Variants in CNTLN observed in about 807,000 individuals in gnomAD.
CNTLN encodes the protein centlein.
CNTLN carries 212 observed loss-of-function variants against 180.0 expected under a neutral mutation model. The observed-to-expected ratio is 1.18, with a 90% CI of 1.05 to 1.32. The LOEUF (loss-of-function observed/expected upper bound fraction) is 1.32. CNTLN is among the 40% of genes most tolerant of loss of function. The probability of loss-of-function intolerance (pLI) is 0.00; values close to 1 mark genes in which losing one functional copy is unlikely to be tolerated. For missense variants in CNTLN, 2,095 were observed against 1,610.9 expected, an observed-to-expected ratio of 1.30 and a Z score of -5.14; for synonymous variants, 722 against 563.1, an observed-to-expected ratio of 1.28 and a Z score of -3.99.
intron 2 of CNTLN, among the ~76,000 whole-genome samples, chr9:17,222,951 T>C (rs1290134494): frequency 6.6e-6 from 1 of 152,064 alleles, no homozygotes; most frequent in Non-Finnish European, 1.5e-5. Context: ...GGTGAACTTA[T>C]CTACCCTTAT....
At chr9:17,136,620 C>T (rs1817736957) in intron 1 of CNTLN, among the ~76,000 whole-genome samples, 2 of 152,194 alleles carry the variant, frequency 1.3e-5, no homozygotes, top group Admixed American at 1.3e-4. Context: ...TTCATTCTCT[C>T]ATAGTTTGTT....
chr9:17,427,371 G>A (rs538856435), intron 18 of CNTLN, among the ~76,000 whole-genome samples: 4 of 151,122 alleles, frequency 2.6e-5, no homozygotes, highest in African/African-American at 7.3e-5. Context: ...AGGGTTTTCA[G>A]GTTATATTGT....
intron 5 of CNTLN, among the ~76,000 whole-genome samples, chr9:17,265,820 T>G (rs2132425753): frequency 6.6e-6 from 1 of 152,332 alleles, no homozygotes; most frequent in South Asian, 2.1e-4. Context: ...TCTGGTTTAT[T>G]TGCTTAGAGG....
chr9:17,163,495 T>C (rs1206059449), intron 2 of CNTLN, among the ~76,000 whole-genome samples: 1 of 152,236 alleles, frequency 6.6e-6, no homozygotes, highest in Non-Finnish European at 1.5e-5. Flanking sequence ...TGAATATTGA[T>C]TTAACAGCAT....
At chr9:17,419,176 T>C (rs1828503596) in intron 18 of CNTLN, among the ~76,000 whole-genome samples, 1 of 152,158 alleles carries the variant, frequency 6.6e-6, no homozygotes, top group Non-Finnish European at 1.5e-5. Flanking sequence ...TACATATAGA[T>C]AGTATTTTAC....
chr9:17,345,862 A>G (rs979350739), intron 12 of CNTLN, among the ~76,000 whole-genome samples: 5 of 152,022 alleles, frequency 3.3e-5, no homozygotes, highest in Non-Finnish European at 5.9e-5. Flanking sequence ...TATCCTTTCT[A>G]CTGTCCTCAT....
In CNTLN at chr9:17,463,784, C is replaced by T. The variant is rs139690333; in HGVS notation, c.3405-713C>T. Among the ~76,000 whole-genome samples the T allele has an allele frequency of 2.0e-3, 310 of 151,662 alleles. 3 individuals are homozygous for T. Among genetic ancestry groups the T allele is most frequent in the African/African-American group, 7.2e-3 (300 of 41,468 alleles). Reference sequence around the variant, plus strand: ...ATTAACACTCTTTGAATCCTGGCTTCCCTACCTACTAGGCCTATGCCTAAA... The same window carrying T: ...ATTAACACTCTTTGAATCCTGGCTTTCCTACCTACTAGGCCTATGCCTAAA... On this transcript the variant is annotated intron_variant, in intron 20 of 25. Transcript: ENST00000380647.
chr9:17,312,018 T>G (rs1587617774), intron 8 of CNTLN, among the ~76,000 whole-genome samples: 1 of 7,420 alleles, frequency 1.3e-4, no homozygotes, highest in African/African-American at 2.1e-4. Flanking sequence ...AAAGTCCAGA[T>G]TATATGCCTG....
In CNTLN at chr9:17,265,794, C is replaced by G. The variant is rs1407339911; in HGVS notation, c.850-7939C>G. Among the ~76,000 whole-genome samples the G allele has an allele frequency of 2.0e-5, 3 of 152,246 alleles. No homozygotes were observed. In the South Asian group the frequency reaches 6.2e-4, roughly 32 times the overall value. ...GAGTGTATGTGTCGAGGAATTTATCCATTTCTTCTACATTTTCTGGTTTAT... is the reference window on the plus strand; with the variant it reads ...GAGTGTATGTGTCGAGGAATTTATCGATTTCTTCTACATTTTCTGGTTTAT... On this transcript the variant is annotated intron_variant, in intron 5 of 25. Transcript: ENST00000380647.
chr9:17,154,200 G>T (rs1167389454), intron 2 of CNTLN, among the ~76,000 whole-genome samples: 1 of 152,180 alleles, frequency 6.6e-6, no homozygotes, highest in East Asian at 1.9e-4. Flanking sequence ...TTCCCTTGCT[G>T]GCGAGGAGTT....
At chr9:17,243,042 T>G (rs192260455) in intron 5 of CNTLN, among the ~76,000 whole-genome samples, 3 of 151,884 alleles carry the variant, frequency 2.0e-5, no homozygotes, top group Admixed American at 6.5e-5. Context: ...GTTTTGGATT[T>G]ATTCGTGGTT....
intron 6 of CNTLN, among the ~76,000 whole-genome samples, chr9:17,293,183 G>C (rs561732223): frequency 2.6e-5 from 4 of 152,220 alleles, no homozygotes; most frequent in Non-Finnish European, 5.9e-5. Flanking sequence ...GCACCAACCT[G>C]ATGCCAACAG....
At chr9:17,355,164 A>G (rs1306382555) in intron 12 of CNTLN, among the ~76,000 whole-genome samples, 2 of 152,096 alleles carry the variant, frequency 1.3e-5, no homozygotes, top group African/African-American at 4.8e-5. Context: ...CCAAGAACCC[A>G]CCAATTCCGG....
intron 18 of CNTLN, among the ~76,000 whole-genome samples, chr9:17,434,573 G>T (rs1164742480): frequency 6.6e-6 from 1 of 151,832 alleles, no homozygotes; most frequent in Admixed American, 6.6e-5. Context: ...ATTCCATTAT[G>T]ACCAGAGGCT....
At chr9:17,183,811 G>C (rs892264473) in intron 2 of CNTLN, among the ~76,000 whole-genome samples, 2 of 151,938 alleles carry the variant, frequency 1.3e-5, no homozygotes, top group Non-Finnish European at 2.9e-5. Context: ...ATACCTGGAG[G>C]CCTTTTCTTA....
At chr9:17,480,698 A>G (rs1832596890) in intron 23 of CNTLN, among the ~76,000 whole-genome samples, 1 of 152,240 alleles carries the variant, frequency 6.6e-6, no homozygotes, top group Admixed American at 6.5e-5. Flanking sequence ...ACTGTGATTT[A>G]ACAAAATAAG....
At chr9:17,209,935 T>TAAAA (rs1823176017) in intron 2 of CNTLN, among the ~76,000 whole-genome samples, 2 of 152,212 alleles carry the variant, frequency 1.3e-5, no homozygotes, top group South Asian at 4.1e-4. Context: ...TCCATCTTTA[T>TAAAA]GGATGGAGAA....
intron 5 of CNTLN, among the ~76,000 whole-genome samples, chr9:17,268,825 G>A (rs890382714): frequency 6.6e-5 from 10 of 151,726 alleles, no homozygotes; most frequent in African/African-American, 1.7e-4. Context: ...CTCTGTGGGC[G>A]TAGGACCCTC....
chr9:17,152,507 G>T (rs1216714600), intron 2 of CNTLN, among the ~76,000 whole-genome samples: 1 of 152,174 alleles, frequency 6.6e-6, no homozygotes, highest in African/African-American at 2.4e-5. Flanking sequence ...TAATTTGGTT[G>T]CACTGTGGTC....
Sources: gnomAD v4.1 joint callset for allele counts (sites outside exome capture counted in the v4.1 genomes callset) on GRCh38, gnomAD v4.1.1 for gene constraint, MANE v1.5 for transcripts, NCBI Gene and HGNC (gene_info 2026-07-23, HGNC 2026-07-21) for gene names.